SHISA6: variants seen among roughly 807,000 people sequenced by gnomAD.
The protein encoded by SHISA6 is shisa family member 6.
Under a neutral mutation model 47.9 loss-of-function variants are expected in SHISA6, and 22 were observed. The ratio of observed to expected loss-of-function variants is 0.46; its 90% CI spans 0.33 to 0.66. The LOEUF (loss-of-function observed/expected upper bound fraction) is 0.66, where lower values mean the gene tolerates loss of function less well. Among genes scored for constraint, SHISA6 ranks in the 30% least tolerant of loss-of-function variants. SHISA6 has a pLI of 0.02. For synonymous variants in SHISA6, 388 were observed against 337.8 expected, an observed-to-expected ratio of 1.15 and a Z score of -1.63; for missense variants, 680 against 764.6, an observed-to-expected ratio of 0.89 and a Z score of 1.30.
chr17:11,378,198 C>T (rs1912876386), intron 2 of SHISA6, among the ~76,000 whole-genome samples: 1 of 152,058 alleles, frequency 6.6e-6, no homozygotes, highest in Non-Finnish European at 1.5e-5. Context: ...TTATATGAGA[C>T]AAATTACATA....
chr17:11,248,669 G>C (rs933575438), intron 1 of SHISA6, among the ~76,000 whole-genome samples: 1 of 151,962 alleles, frequency 6.6e-6, no homozygotes, highest in Admixed American at 6.6e-5. Flanking sequence ...GATCTTCCCC[G>C]CTCCTTTTGC....
chr17:11,546,765 C>CA (rs2071886864), intron 3 of SHISA6, among the ~76,000 whole-genome samples: 1 of 152,096 alleles, frequency 6.6e-6, no homozygotes, highest in African/African-American at 2.4e-5. Flanking sequence ...GCTAAAAATA[C>CA]AAAAAATTAG....
intron 2 of SHISA6, among the ~76,000 whole-genome samples, chr17:11,376,765 T>C (rs1019693067): frequency 3.3e-5 from 5 of 152,196 alleles, no homozygotes; most frequent in East Asian, 1.9e-4. Flanking sequence ...GGTCCAAACA[T>C]AGTGGTTCAT....
At chr17:11,320,176 A>G (rs1452721559) in intron 2 of SHISA6, among the ~76,000 whole-genome samples, 2 of 152,266 alleles carry the variant, frequency 1.3e-5, no homozygotes, top group Non-Finnish European at 2.9e-5. Flanking sequence ...ATTTATGTGG[A>G]CATAGTGAAG....
intron 2 of SHISA6, among the ~76,000 whole-genome samples, chr17:11,274,413 C>T (rs770510394): frequency 8.5e-5 from 13 of 152,176 alleles, no homozygotes; most frequent in Non-Finnish European, 1.3e-4. Flanking sequence ...AGCAACAGAG[C>T]GCGGTGCAGT....
intron 3 of SHISA6, among the ~76,000 whole-genome samples, chr17:11,415,083 A>AG (rs1181050285): frequency 3.9e-5 from 6 of 152,040 alleles, no homozygotes; most frequent in African/African-American, 1.4e-4. Flanking sequence ...CCATCTAAAA[A>AG]AAAAAAAAGA....
chr17:11,419,790 A>G (rs1466199441), intron 3 of SHISA6, among the ~76,000 whole-genome samples: 1 of 152,176 alleles, frequency 6.6e-6, no homozygotes, highest in East Asian at 1.9e-4. Flanking sequence ...CATTTCCACC[A>G]CCTTTTCCCT....
Position 11,515,487 on chromosome 17 carries a change from G to A in SHISA6, c.896-36409G>A, listed in dbSNP as rs141723277. On this transcript the variant is annotated intron_variant, in intron 3 of 5. Coordinates refer to ENST00000441885, the MANE Select transcript of SHISA6 (RefSeq NM_207386.4). ...CCTGAGACAAGATTCTTGGGCAACTGTGTTATTGAGGGAGTTTTCTCAGGA... is the reference window on the plus strand; with the variant it reads ...CCTGAGACAAGATTCTTGGGCAACTATGTTATTGAGGGAGTTTTCTCAGGA... 2.6e-5 allele frequency among the ~76,000 whole-genome samples: 4 copies of A among 152,076 alleles called. No individual in the cohort carries two copies. The East Asian group carries it at 7.8e-4, about 30-fold the overall frequency.
intron 3 of SHISA6, among the ~76,000 whole-genome samples, chr17:11,548,150 C>G (rs553153975): frequency 1.3e-5 from 2 of 152,276 alleles, no homozygotes; most frequent in Non-Finnish European, 1.5e-5. Flanking sequence ...TATCTCTAAA[C>G]TGGCAATAAC....
chr17:11,323,146 C>G (rs1434527386), intron 2 of SHISA6, among the ~76,000 whole-genome samples: 1 of 152,184 alleles, frequency 6.6e-6, no homozygotes, highest in African/African-American at 2.4e-5. Flanking sequence ...GTTCCTTAAT[C>G]TATCACTGAG....
chr17:11,381,936 C>G (rs1913022629), intron 3 of SHISA6, among the ~76,000 whole-genome samples: 1 of 152,202 alleles, frequency 6.6e-6, no homozygotes, highest in Admixed American at 6.5e-5. Flanking sequence ...GACACCTTCT[C>G]TTTCCAGGAA....
chr17:11,480,471 G>A (rs754710807), intron 3 of SHISA6, among the ~76,000 whole-genome samples: 1 of 152,084 alleles, frequency 6.6e-6, no homozygotes, highest in Non-Finnish European at 1.5e-5. Flanking sequence ...CACCACACCG[G>A]ACAGCTGCCA....
At chr17:11,329,047 T>G (rs1039416983) in intron 2 of SHISA6, among the ~76,000 whole-genome samples, 1 of 152,190 alleles carries the variant, frequency 6.6e-6, no homozygotes, top group Non-Finnish European at 1.5e-5. Context: ...AGGACATCCA[T>G]GCAGGCACAT....
chr17:11,302,341 G>A (rs988941997), intron 2 of SHISA6, among the ~76,000 whole-genome samples: 8 of 152,184 alleles, frequency 5.3e-5, no homozygotes, highest in Admixed American at 2.0e-4. Flanking sequence ...AACCTCCTAA[G>A]TTTGTCCAGT....
At chr17:11,352,700 G>C (rs1476977460) in intron 2 of SHISA6, among the ~76,000 whole-genome samples, 2 of 152,146 alleles carry the variant, frequency 1.3e-5, no homozygotes, top group African/African-American at 4.8e-5. Flanking sequence ...GAGCATGATG[G>C]AGAGAGGGTT....
At chr17:11,387,265 C>T (rs1913227372) in intron 3 of SHISA6, among the ~76,000 whole-genome samples, 1 of 152,158 alleles carries the variant, frequency 6.6e-6, no homozygotes, top group Non-Finnish European at 1.5e-5. Context: ...GCTGCCCAGA[C>T]AGGCACTCCA....
At chr17:11,464,676 C>T (rs1410094769) in intron 3 of SHISA6, among the ~76,000 whole-genome samples, 3 of 152,214 alleles carry the variant, frequency 2.0e-5, no homozygotes, top group Non-Finnish European at 4.4e-5. Flanking sequence ...GGCACGGTGG[C>T]TCACGCCTGT....
intron 3 of SHISA6, among the ~76,000 whole-genome samples, chr17:11,455,188 AC>A (rs1186745526): frequency 4.0e-5 from 6 of 151,602 alleles, no homozygotes; most frequent in African/African-American, 1.5e-4. Flanking sequence ...AAACAAACAA[AC>A]AAACAAAAAA....
chr17:11,507,704 C>G (rs774236846), intron 3 of SHISA6, among the ~76,000 whole-genome samples: 1 of 152,224 alleles, frequency 6.6e-6, no homozygotes, highest in Non-Finnish European at 1.5e-5. Context: ...AATCTGCCTG[C>G]TGTTCACTGA....
Sources: gnomAD v4.1 joint callset for allele counts (sites outside exome capture counted in the v4.1 genomes callset) on GRCh38, gnomAD v4.1.1 for gene constraint, MANE v1.5 for transcripts, NCBI Gene and HGNC (gene_info 2026-07-23, HGNC 2026-07-21) for gene names.